Variants in ALCAM observed in about 807,000 individuals in gnomAD.
ALCAM encodes activated leukocyte cell adhesion molecule.
In ALCAM, 30 loss-of-function variants were observed where a neutral mutation model predicts 70.9. That is an observed-to-expected ratio of 0.42 (90% CI 0.32 to 0.57). The LOEUF (loss-of-function observed/expected upper bound fraction) is 0.57. Among genes scored for constraint, ALCAM ranks in the 20% least tolerant of loss-of-function variants. The pLI is 0.11. For synonymous variants in ALCAM, 249 were observed against 242.5 expected (o/e 1.03, Z -0.25); for missense variants, 591 against 695.1 (o/e 0.85, Z 1.68).
At chr3:105,412,439 C>A (rs1936413493) in intron 1 of ALCAM, among the ~76,000 whole-genome samples, 1 of 152,014 alleles carries the variant, frequency 6.6e-6, no homozygotes, top group Non-Finnish European at 1.5e-5. Flanking sequence ...CACTGTAACA[C>A]TGTTAGAGGT....
intron 1 of ALCAM, among the ~76,000 whole-genome samples, chr3:105,421,364 A>G (rs116609174): frequency 6.6e-6 from 1 of 151,616 alleles, no homozygotes; most frequent in Non-Finnish European, 1.5e-5. Flanking sequence ...ATAGCAATTT[A>G]ATTCTTTGTG....
rs377299560 is a variant in ALCAM at position 105,534,862 on chromosome 3, A to G, written c.730+17A>G. The G allele has an allele frequency of 8.9e-6, 14 of 1,580,732 alleles. No individual in the cohort carries two copies. Among genetic ancestry groups the G allele is most frequent in the Non-Finnish European group, 1.2e-5 (14 of 1,158,276 alleles). On this transcript the variant is annotated intron_variant, in intron 6 of 15. Coordinates refer to ENST00000306107, the MANE Select transcript of ALCAM (RefSeq NM_001627.4). Reference sequence around the variant, plus strand: ...ATATTTACTGTAAGTAATTCAATATATAATTATGCTATTTAATGTATTAGA... The same window carrying G: ...ATATTTACTGTAAGTAATTCAATATGTAATTATGCTATTTAATGTATTAGA...
At position 105,449,623 on chromosome 3, in the gene ALCAM, A is replaced by C. The variant is rs564385713; in HGVS notation, c.74-70444A>C. ...AATTAATCTGTTGCACTACCACCCT[A>C]TTCATCCTATTAGCAATCCCTCGTC... On this transcript the variant is annotated intron_variant, in intron 1 of 15. Transcript: ENST00000306107. Among the ~76,000 whole-genome samples the C allele has an allele frequency of 4.6e-5, 7 of 152,352 alleles. No homozygotes were observed. The South Asian group carries it at 1.4e-3, about 32-fold the overall frequency.
At chr3:105,538,128 G>A (rs1241102754) in intron 6 of ALCAM, among the ~76,000 whole-genome samples, 1 of 152,074 alleles carries the variant, frequency 6.6e-6, no homozygotes, top group Non-Finnish European at 1.5e-5. Context: ...AACAGATTCA[G>A]AGGAAATATA....
At chr3:105,402,154 A>G (rs1282837517) in intron 1 of ALCAM, among the ~76,000 whole-genome samples, 2 of 152,238 alleles carry the variant, frequency 1.3e-5, no homozygotes, top group Non-Finnish European at 2.9e-5. Context: ...CTTAGATAAT[A>G]TAGTGATTTC....
chr3:105,533,773 T>A, intron 5 of ALCAM, 83 bp downstream of exon 5: 1 of 1,333,474 alleles, frequency 7.5e-7, no homozygotes, highest in South Asian at 1.3e-5. Flanking sequence ...TTTAAACCAG[T>A]GGTCTCCAAC....
chr3:105,396,133 T>G (rs889514183), intron 1 of ALCAM, among the ~76,000 whole-genome samples: 2 of 152,040 alleles, frequency 1.3e-5, no homozygotes, highest in Non-Finnish European at 2.9e-5. Flanking sequence ...TTAATTAAAT[T>G]AATATTTATT....
At chr3:105,432,813 GCAGA>G (rs1445989403) in intron 1 of ALCAM, among the ~76,000 whole-genome samples, 1 of 152,124 alleles carries the variant, frequency 6.6e-6, no homozygotes, top group Non-Finnish European at 1.5e-5. Context: ...AAATTGTCCT[GCAGA>G]GTTTCAGCAA....
At chr3:105,519,817 G>C (rs1010947246) in intron 1 of ALCAM, among the ~76,000 whole-genome samples, 1 of 152,078 alleles carries the variant, frequency 6.6e-6, no homozygotes, top group Non-Finnish European at 1.5e-5. Flanking sequence ...AGTAAAATTG[G>C]AGATCTGCAA....
intron 1 of ALCAM, among the ~76,000 whole-genome samples, chr3:105,390,247 CTGCAGCAT>C (rs1935781522): frequency 6.6e-6 from 1 of 151,894 alleles, no homozygotes; most frequent in Non-Finnish European, 1.5e-5. Context: ...TTGCCAGCAT[CTGCAGCAT>C]CTGTTGTTTC....
chr3:105,449,004 A>G (rs1387044006), intron 1 of ALCAM, among the ~76,000 whole-genome samples: 6 of 152,210 alleles, frequency 3.9e-5, no homozygotes, highest in Non-Finnish European at 8.8e-5. Context: ...CTGAGATTTC[A>G]GATCCACTCT....
intron 1 of ALCAM, chr3:105,440,958 C>T (rs1344878133): frequency 2.0e-5 from 3 of 152,066 alleles, no homozygotes; most frequent in African/African-American, 7.2e-5. Context: ...AAAGGTGAAG[C>T]TAGAGCAGAG....
At chr3:105,407,357 A>G (rs112449818) in intron 1 of ALCAM, among the ~76,000 whole-genome samples, 2,185 of 152,312 alleles carry the variant, frequency 0.014, 62 homozygotes, top group African/African-American at 0.049. Context: ...CAGCATATCA[A>G]AAAGATAGTC....
intron 1 of ALCAM, among the ~76,000 whole-genome samples, chr3:105,505,989 A>AT (rs2152617986): frequency 6.6e-6 from 1 of 152,268 alleles, no homozygotes; most frequent in African/African-American, 2.4e-5. Flanking sequence ...ATGATCAGCG[A>AT]TTTTTATTGA....
chr3:105,495,215 T>C (rs1938701481), intron 1 of ALCAM, among the ~76,000 whole-genome samples: 1 of 152,224 alleles, frequency 6.6e-6, no homozygotes, highest in Non-Finnish European at 1.5e-5. Context: ...CTGCATATGA[T>C]ACCACATTCC....
At chr3:105,376,419 CTA>C (rs893411278) in intron 1 of ALCAM, among the ~76,000 whole-genome samples, 94 of 152,188 alleles carry the variant, frequency 6.2e-4, no homozygotes, top group African/African-American at 2.1e-3. Context: ...AACTACTTGA[CTA>C]AGGTCACATT....
chr3:105,568,928 G>A (rs1003960606), intron 14 of ALCAM, among the ~76,000 whole-genome samples: 3 of 151,410 alleles, frequency 2.0e-5, no homozygotes, highest in Non-Finnish European at 4.4e-5. Flanking sequence ...TGTAGTCCAT[G>A]CTTTATTTTA....
At chr3:105,521,435 CT>C (rs149159801) in intron 2 of ALCAM, among the ~76,000 whole-genome samples, 1 of 150,970 alleles carries the variant, frequency 6.6e-6, no homozygotes, top group Non-Finnish European at 1.5e-5. Context: ...GACCACACAA[CT>C]TTTTTCCTCA....
chr3:105,521,027 C>T (rs1371986549), intron 2 of ALCAM, among the ~76,000 whole-genome samples: 5 of 152,092 alleles, frequency 3.3e-5, no homozygotes, highest in Non-Finnish European at 5.9e-5. Flanking sequence ...TGCGGCCGGG[C>T]GCGGTGGCTC....
Sources: allele counts gnomAD v4.1 joint callset (sites outside exome capture counted in the v4.1 genomes callset), GRCh38; gene constraint gnomAD v4.1.1; transcripts MANE v1.5; gene names NCBI Gene and HGNC (gene_info 2026-07-23, HGNC 2026-07-21).